TMPRSS15: variants seen among roughly 807,000 people sequenced by gnomAD.
The protein encoded by TMPRSS15 is enteropeptidase.
Under a neutral mutation model 125.3 loss-of-function variants are expected in TMPRSS15, and 128 were observed. The observed-to-expected ratio is 1.02, with a 90% confidence interval of 0.89 to 1.18. The LOEUF (loss-of-function observed/expected upper bound fraction) is 1.18, where lower values mean the gene tolerates loss of function less well. Ranked by LOEUF, TMPRSS15 falls within the 50% of genes most tolerant of loss-of-function variation. The pLI is 0.00. For missense variants in TMPRSS15, 1,283 were observed against 1,212.7 expected (o/e 1.06, Z -0.86); for synonymous variants, 446 against 423.2 (o/e 1.05, Z -0.66).
intron 8 of TMPRSS15, among the ~76,000 whole-genome samples, chr21:18,356,163 A>G (rs758040312): frequency 6.6e-6 from 1 of 151,868 alleles, no homozygotes; most frequent in Non-Finnish European, 1.5e-5. Context: ...TTTGTCTACT[A>G]ACAGCAAAGG....
chr21:18,416,035 A>G lies in TMPRSS15; in HGVS notation c.11-17706T>C, dbSNP rs569780584. Among the ~76,000 whole-genome samples the G allele has an allele frequency of 1.4e-3, 210 of 152,208 alleles. 3 individuals are homozygous for G. The highest frequency in any genetic ancestry group is 1.6e-3 in the Non-Finnish European group (111 of 67,912). On this transcript the variant is annotated intron_variant, in intron 1 of 7. Transcript: ENST00000422787. ...AACCATTCTAAAAATAAGCTAAAAA[A>G]CAATTCCATTTACAATAGCATAAAA...
chr21:18,433,129 A>G (rs1480905450), intron 1 of TMPRSS15, among the ~76,000 whole-genome samples: 2 of 152,174 alleles, frequency 1.3e-5, no homozygotes, highest in East Asian at 3.9e-4. Context: ...CTGACACTGA[A>G]CATACCTTAA....
chr21:18,347,842 G>A (rs987098153), intron 10 of TMPRSS15, among the ~76,000 whole-genome samples: 1 of 151,984 alleles, frequency 6.6e-6, no homozygotes, highest in Non-Finnish European at 1.5e-5. Flanking sequence ...TTAAAACCCA[G>A]GATATTGGCC....
chr21:18,359,225 G>C (rs1402128932), intron 8 of TMPRSS15, among the ~76,000 whole-genome samples: 3 of 151,964 alleles, frequency 2.0e-5, no homozygotes, highest in African/African-American at 7.2e-5. Context: ...CCCCGTCCAT[G>C]TGTAACGATA....
chr21:18,364,812 C>T (rs1200724484), intron 7 of TMPRSS15, among the ~76,000 whole-genome samples: 1 of 152,042 alleles, frequency 6.6e-6, no homozygotes, highest in East Asian at 1.9e-4. Context: ...GCAGAAGATG[C>T]GAAATTCTAC....
chr21:18,432,992 C>A (rs1233457773), intron 1 of TMPRSS15, among the ~76,000 whole-genome samples: 1 of 152,054 alleles, frequency 6.6e-6, no homozygotes, highest in Non-Finnish European at 1.5e-5. Flanking sequence ...GTGTACCTTT[C>A]TCGGAAAGAT....
At chr21:18,281,266 C>T in intron 21 of TMPRSS15, 45 bp from the exon 22 acceptor site, 1 of 1,523,152 alleles carries the variant, frequency 6.6e-7, no homozygotes, top group Non-Finnish European at 9.1e-7. Flanking sequence ...CCATCCAAAG[C>T]AGTTCCTTTC....
intron 3 of TMPRSS15, among the ~76,000 whole-genome samples, chr21:18,394,801 C>G (rs1191034779): frequency 6.6e-6 from 1 of 152,040 alleles, no homozygotes; most frequent in East Asian, 1.9e-4. Flanking sequence ...ATCAGTACAC[C>G]TTTAAATCCA....
intron 1 of TMPRSS15, among the ~76,000 whole-genome samples, chr21:18,417,826 C>T (rs2076183747): frequency 6.6e-6 from 1 of 152,082 alleles, no homozygotes; most frequent in African/African-American, 2.4e-5. Context: ...AAAAGGGTAG[C>T]CTACACACAT....
chr21:18,295,895 G>A (rs2074900861), intron 19 of TMPRSS15, among the ~76,000 whole-genome samples: 1 of 152,208 alleles, frequency 6.6e-6, no homozygotes, highest in Non-Finnish European at 1.5e-5. Context: ...GCTCACGCCT[G>A]TAACTCCAGC....
At chr21:18,330,630 A>G (rs2075335057) in intron 14 of TMPRSS15, among the ~76,000 whole-genome samples, 1 of 152,186 alleles carries the variant, frequency 6.6e-6, no homozygotes, top group South Asian at 2.1e-4. Flanking sequence ...TGTCTTCTTT[A>G]CTTACTTCAG....
intron 10 of TMPRSS15, 128 bp from the exon 11 acceptor site, chr21:18,344,188 G>T: frequency 1.3e-6 from 1 of 791,664 alleles, no homozygotes; most frequent in Non-Finnish European, 2.1e-6. Context: ...TTAATATAGT[G>T]GACAGGACAC....
At chr21:18,377,040 A>G (rs992975446) in intron 5 of TMPRSS15, among the ~76,000 whole-genome samples, 2 of 152,164 alleles carry the variant, frequency 1.3e-5, no homozygotes, top group African/African-American at 2.4e-5. Context: ...TGCAGTTTTC[A>G]TGTTTAATTG....
intron 4 of TMPRSS15, chr21:18,380,555 G>C: frequency 2.1e-6 from 1 of 470,226 alleles, no homozygotes. Flanking sequence ...GTTGTTGCAG[G>C]GCTTACTGTA....
Position 18,341,884 on chromosome 21 carries a change from T to C in TMPRSS15, c.1429-336A>G, listed in dbSNP as rs1447644611. Among the ~76,000 whole-genome samples, 60 of 152,328 alleles carry C rather than the reference T, an allele frequency of 3.9e-4. 1 individual carries two copies. Among genetic ancestry groups the C allele is most frequent in the East Asian group, 3.9e-4 (2 of 5,174 alleles). On this transcript the variant is annotated intron_variant, in intron 12 of 24. Transcript: ENST00000284885. ...CATTGTACTCTGTCATGCATATATA[T>C]CATCTGGCAGGAGAAAGCAATTTTC...
chr21:18,469,446 T>C (rs1279999795), intron 1 of TMPRSS15, among the ~76,000 whole-genome samples: 4 of 152,152 alleles, frequency 2.6e-5, no homozygotes, highest in Non-Finnish European at 5.9e-5. Context: ...CTCTGTTTTT[T>C]AGGATATAAA....
chr21:18,396,603 T>A (rs1461210949), intron 3 of TMPRSS15, among the ~76,000 whole-genome samples: 1 of 151,764 alleles, frequency 6.6e-6, no homozygotes, highest in Non-Finnish European at 1.5e-5. Flanking sequence ...TGAAACAGCA[T>A]CTCTACTAAA....
At chr21:18,324,061 A>G (rs1263874543) in intron 16 of TMPRSS15, among the ~76,000 whole-genome samples, 1 of 152,174 alleles carries the variant, frequency 6.6e-6, no homozygotes. Flanking sequence ...CACACAGAAA[A>G]TGTTATAACA....
At chr21:18,321,681 T>C (rs944036898) in intron 16 of TMPRSS15, among the ~76,000 whole-genome samples, 2 of 152,192 alleles carry the variant, frequency 1.3e-5, no homozygotes, top group African/African-American at 4.8e-5. Context: ...CATTTATAAT[T>C]TTTTCTAAAA....
Sources: gnomAD v4.1 joint callset for allele counts (sites outside exome capture counted in the v4.1 genomes callset) on GRCh38, gnomAD v4.1.1 for gene constraint, MANE v1.5 for transcripts, NCBI Gene and HGNC (gene_info 2026-07-23, HGNC 2026-07-21) for gene names.